SCML2: variants seen among roughly 807,000 people sequenced by gnomAD.
The protein encoded by SCML2 is Scm polycomb group protein like 2, also known as sex comb on midleg-like protein 2.
SCML2 carries 6 observed loss-of-function variants against 48.4 expected under a neutral mutation model. The observed-to-expected ratio is 0.12, with a 90% CI of 0.07 to 0.24. The LOEUF is 0.24. Among genes scored for constraint, SCML2 ranks in the 10% least tolerant of loss-of-function variants. The pLI, the probability that SCML2 is intolerant of heterozygous loss-of-function variation, is 1.00. For synonymous variants in SCML2, 181 were observed against 189.5 expected, an observed-to-expected ratio of 0.95 and a Z score of 0.37; for missense variants, 377 against 528.2, an observed-to-expected ratio of 0.71 and a Z score of 2.81.
intron 1 of SCML2, among the ~76,000 whole-genome samples, chrX:18,344,408 C>A (rs903582164): frequency 9.0e-6 from 1 of 111,559 alleles, no homozygotes; most frequent in Non-Finnish European, 1.9e-5. Context: ...TGTCAAATGC[C>A]AAAAGACAAG....
intron 7 of SCML2, among the ~76,000 whole-genome samples, chrX:18,267,292 C>A (rs1423474308): frequency 8.9e-6 from 1 of 111,791 alleles, no homozygotes; most frequent in Admixed American, 9.5e-5. Flanking sequence ...GCCCATATTC[C>A]ATTTTCATGC....
intron 1 of SCML2, among the ~76,000 whole-genome samples, chrX:18,346,464 T>C (rs1930203896): frequency 8.9e-6 from 1 of 112,231 alleles, no homozygotes; most frequent in African/African-American, 3.2e-5. Flanking sequence ...TCATAGCCCC[T>C]TGAGTTTATC....
At position 18,315,461 on chromosome X, in the gene SCML2, G is replaced by A. The variant is rs775797290; in HGVS notation, c.486+4871C>T. On this transcript the variant is annotated intron_variant, in intron 6 of 14. Coordinates refer to ENST00000251900, the MANE Select transcript of SCML2 (RefSeq NM_006089.3). The stretch of plus-strand genomic sequence containing the variant: ...TATAAGATACACATTTCTAGCGGCT[G>A]TGTGAAAGGGTGAAGATTAGAGGCA... 9.6e-4 allele frequency among the ~76,000 whole-genome samples: 107 copies of A among 111,695 alleles called. 1 individual carries two copies. Among genetic ancestry groups the A allele is most frequent in the African/African-American group, 3.2e-3 (99 of 30,736 alleles).
At chrX:18,264,660 T>C (rs1927197222) in intron 8 of SCML2, among the ~76,000 whole-genome samples, 1 of 111,987 alleles carries the variant, frequency 8.9e-6, no homozygotes, top group Non-Finnish European at 1.9e-5. Context: ...CAAATATTAA[T>C]TTGTGCAGAT....
Position 18,293,674 on chromosome X carries a change from G to C in SCML2, c.730+11298C>G, listed in dbSNP as rs767235527. Among the ~76,000 whole-genome samples, 318 of 112,186 alleles carry C rather than the reference G, an allele frequency of 2.8e-3. 3 individuals are homozygous for C. Among genetic ancestry groups the C allele is most frequent in the African/African-American group, 1.0e-2 (309 of 30,949 alleles). On this transcript the variant is annotated intron_variant, in intron 7 of 14. Coordinates refer to ENST00000251900, the MANE Select transcript of SCML2 (RefSeq NM_006089.3). ...ATGTGTGGTTTTGCCAAGACATCAA[G>C]ATTCAACAAAACCTACAAACAGAAC...
Position 18,272,155 on chromosome X carries a change from G to A in SCML2, c.731-6353C>T, listed in dbSNP as rs188185363. On this transcript the variant is annotated intron_variant, in intron 7 of 14. Coordinates refer to ENST00000251900, the MANE Select transcript of SCML2 (RefSeq NM_006089.3). ...CATCCCAGAGGTCAACCTTGCTTTGGGAATTAAACATTCGTAACAACCAAG... is the reference window on the plus strand; with the variant it reads ...CATCCCAGAGGTCAACCTTGCTTTGAGAATTAAACATTCGTAACAACCAAG... Among the ~76,000 whole-genome samples the A allele has an allele frequency of 7.1e-3, 790 of 111,147 alleles. 2 individuals carry two copies. The highest frequency in any genetic ancestry group is 9.6e-3 in the Non-Finnish European group (507 of 53,038).
At chrX:18,247,991 C>G (rs1926511923) in intron 11 of SCML2, 109 bp from the exon 12 acceptor site, 1 of 470,952 alleles carries the variant, frequency 2.1e-6, no homozygotes, top group Non-Finnish European at 3.7e-6. Flanking sequence ...GCCTACAATA[C>G]CTTCATTGAG....
chrX:18,318,319 T>C (rs936861177), intron 6 of SCML2, among the ~76,000 whole-genome samples: 11 of 112,792 alleles, frequency 9.8e-5, no homozygotes, highest in Non-Finnish European at 2.1e-4. Flanking sequence ...TTCACATCCT[T>C]ATGCCTTCAA....
At chrX:18,296,853 T>C (rs1928411482) in intron 7 of SCML2, among the ~76,000 whole-genome samples, 1 of 110,831 alleles carries the variant, frequency 9.0e-6, no homozygotes, top group Admixed American at 9.6e-5. Context: ...CTCCTCAAAC[T>C]ATTTCAAAAA....
intron 7 of SCML2, among the ~76,000 whole-genome samples, chrX:18,271,955 T>C (rs1425098800): frequency 1.8e-5 from 2 of 110,561 alleles, no homozygotes; most frequent in Non-Finnish European, 3.8e-5. Flanking sequence ...TAATCAATCA[T>C]GGGCAGCAAT....
chrX:18,314,563 C>T (rs772165374), intron 6 of SCML2, among the ~76,000 whole-genome samples: 2 of 111,882 alleles, frequency 1.8e-5, no homozygotes, highest in African/African-American at 6.5e-5. Context: ...CACCTCAACA[C>T]GTTCAAAACT....
Position 18,265,785 on chromosome X carries a change from T to C in SCML2, c.748A>G (p.Ile250Val), listed in dbSNP as rs758176894. ...GAAGGAGAAGACTCTGTTTTTGCTA[T>C]ATTCTTTACAATAGGAACTGAGGAA... ...PGTSVPIVKN[I>V]AKTESSPSEA... Residue 250 changes from isoleucine to valine, a missense_variant, in exon 8 of 15, where the codon ATA (isoleucine) becomes GTA (valine). Ile to Val is a conservative substitution (Grantham distance 29). Around this residue, in one of 3 missense-constraint regions of SCML2, gnomAD observed 299 missense variants for 425.5 expected, o/e 0.70. Coordinates refer to ENST00000251900, the MANE Select transcript of SCML2 (RefSeq NM_006089.3). 1 of 1,204,427 alleles carries C rather than the reference T, an allele frequency of 8.3e-7. No homozygotes were observed. The highest frequency in any genetic ancestry group is 1.1e-6 in the Non-Finnish European group (1 of 890,035).
intron 7 of SCML2, among the ~76,000 whole-genome samples, chrX:18,267,111 G>GGA (rs1395358964): frequency 4.5e-5 from 5 of 111,806 alleles, no homozygotes; most frequent in African/African-American, 6.5e-5. Context: ...CCTTATCACT[G>GGA]GAGAGTTCAG....
chrX:18,317,443 T>C (rs1171994321), intron 6 of SCML2, among the ~76,000 whole-genome samples: 1 of 112,249 alleles, frequency 8.9e-6, no homozygotes, highest in East Asian at 2.8e-4. Context: ...ATAGAATGAT[T>C]TCCAAAACTG....
chrX:18,257,011 A>G lies in SCML2; in HGVS notation c.1293T>C (p.Thr431=). 8.4e-7 allele frequency: 1 copy of G among 1,185,273 alleles called. No homozygotes were observed. Among genetic ancestry groups the G allele is most frequent in the Non-Finnish European group, 1.1e-6 (1 of 884,079 alleles). ...TCACTGGAGGGAGCTGGATGGAATGAGTTTCCCCATCAAAGGAGGCTATTG... is the reference window on the plus strand; with the variant it reads ...TCACTGGAGGGAGCTGGATGGAATGGGTTTCCCCATCAAAGGAGGCTATTG... The part of the protein sequence containing the change: ...EVITASFDGE[T]HSIQLPPVNS... The change falls in exon 11 of 15, where the codon ACT becomes ACC. Residue 431 remains threonine, a synonymous_variant. Transcript: ENST00000251900.
intron 7 of SCML2, among the ~76,000 whole-genome samples, chrX:18,296,231 G>A (rs767592595): frequency 9.0e-6 from 1 of 110,837 alleles, no homozygotes; most frequent in Non-Finnish European, 1.9e-5. Flanking sequence ...AATTCAGGTT[G>A]TGAATGAGAA....
chrX:18,303,174 C>T (rs931216050), intron 7 of SCML2, among the ~76,000 whole-genome samples: 1 of 111,341 alleles, frequency 9.0e-6, no homozygotes. Context: ...CTATAATATA[C>T]TTTCTGGAGA....
At chrX:18,277,755 A>C (rs752483242) in intron 7 of SCML2, among the ~76,000 whole-genome samples, 276 of 111,468 alleles carry the variant, frequency 2.5e-3, no homozygotes, top group African/African-American at 8.1e-3. Flanking sequence ...ATAAACCACA[A>C]AAAAAAAGAA....
intron 1 of SCML2, among the ~76,000 whole-genome samples, chrX:18,338,300 C>T (rs1256161214): frequency 3.7e-5 from 4 of 109,475 alleles, no homozygotes; most frequent in Admixed American, 2.0e-4. Context: ...AAAAATTAGC[C>T]GGGCATGGTG....
Sources: gnomAD v4.1 joint callset for allele counts (sites outside exome capture counted in the v4.1 genomes callset) on GRCh38, gnomAD v4.1.1 for gene constraint, gnomAD v4.1.1 regional missense constraint, MANE v1.5 for transcripts, NCBI Gene and HGNC (gene_info 2026-07-23, HGNC 2026-07-21) for gene names.